Variants in HLA-F observed in about 807,000 individuals in gnomAD.
HLA-F encodes the protein HLA class I histocompatibility antigen, alpha chain F.
In HLA-F, 46 loss-of-function variants were observed where a neutral mutation model predicts 49.5. That is an observed-to-expected ratio of 0.93 (90% confidence interval 0.73 to 1.19). HLA-F has a LOEUF of 1.19. Among genes scored for constraint, HLA-F ranks in the 50% most tolerant of loss-of-function variants. HLA-F has a pLI of 0.00. For missense variants in HLA-F, 496 were observed against 579.6 expected (o/e 0.86, Z 1.48); for synonymous variants, 203 against 233.5 (o/e 0.87, Z 1.19).
In HLA-F at chr6:29,724,341, A is replaced by T; in HGVS notation, c.503A>T (p.Tyr168Phe). ...DTVAQITQRFYEAEEYAEEFR... is the reference protein window; with the variant it reads ...DTVAQITQRFFEAEEYAEEFR... ...GTGGCTCAGATCACCCAGCGCTTCT[A>T]TGAGGCAGAGGAATATGCAGAGGAG... The change falls in exon 3 of 7, where the codon TAT becomes TTT. Residue 168 changes from tyrosine (Y) to phenylalanine (F), a missense_variant. Physicochemically the swap from Tyr to Phe is conservative, Grantham distance 22. Coordinates refer to ENST00000259951, the MANE Select transcript of HLA-F (RefSeq NM_001098479.2). The T allele has an allele frequency of 6.2e-7, 1 of 1,613,176 alleles. No individual in the cohort carries two copies. The highest frequency in any genetic ancestry group is 8.5e-7 in the Non-Finnish European group (1 of 1,180,022).
intron 3 of HLA-F, chr6:29,735,088 A>G (rs1776937648): frequency 6.6e-6 from 1 of 151,928 alleles, no homozygotes; most frequent in Non-Finnish European, 1.5e-5. Flanking sequence ...CTTTTAAACC[A>G]AATAGGAAAA....
Position 29,727,078 on chromosome 6 carries a change from G to T in HLA-F, c.1232G>T (p.Ser411Ile). 1.2e-6 allele frequency: 2 copies of T among 1,613,174 alleles called. No homozygotes were observed. The highest frequency in any genetic ancestry group is 1.7e-6 in the Non-Finnish European group (2 of 1,180,022). Residue 411 changes from serine to isoleucine, a missense_variant, in exon 7 of 7, where the codon AGC becomes ATC. Ser to Ile is a moderately radical substitution (Grantham distance 142). Transcript: ENST00000259951. ...SFNTAFLALQ[S>I]LRFGFGFRRG... ...AACACTGCCTTCTTGGCCTTGCAAAGCCTTCGCTTTGGCTTCGGCTTTAGG... is the reference window on the plus strand; with the variant it reads ...AACACTGCCTTCTTGGCCTTGCAAATCCTTCGCTTTGGCTTCGGCTTTAGG...
chr6:29,726,100 T>C, intron 6 of HLA-F, 57 bp downstream of exon 6: 1 of 1,543,534 alleles, frequency 6.5e-7, no homozygotes, highest in Non-Finnish European at 9.0e-7. Flanking sequence ...CAGGAGCCTA[T>C]GAGGGAGCTC....
At position 29,737,218 on chromosome 6, in the gene HLA-F, CAAAAAAA is replaced by C. The variant is rs3030698; in HGVS notation, c.404-887_404-881del. Among the ~76,000 whole-genome samples, 74 of 65,200 alleles carry C rather than the reference CAAAAAAA, an allele frequency of 1.1e-3. 2 individuals are homozygous for C. In the East Asian group the frequency reaches 0.029, roughly 26 times the overall value. The allele number at this position is 65,200 out of a possible 152,430, so 42.8% of individuals were successfully genotyped here. On this transcript the variant is annotated intron_variant, in intron 3 of 4. Coordinates refer to the HLA-F transcript ENST00000465459. ...GATATAGTACCATCAATCCTCATGG[CAAAAAAA>C]AAAAAAAAAAAAAAAACCCTGAATA...
At chr6:29,732,131 A>ATTTT (rs9256970), downstream of HLA-F, among the ~76,000 whole-genome samples, 7,628 of 151,014 alleles carry the variant, frequency 0.051, 330 homozygotes, top group East Asian at 0.16. Flanking sequence ...TGCCCAGCTA[A>ATTTT]TTTTTTTTTG....
Position 29,724,228 on chromosome 6 carries a change from C to T in HLA-F, c.390C>T (p.Leu130=). The T allele has an allele frequency of 6.2e-7, 1 of 1,613,224 alleles. No homozygotes were observed. ...GCGACATGGGGCCCGACGGACGCCT[C>T]CTCCGCGGGTATCACCAGCACGCGT... The part of the protein sequence containing the change: ...NGCDMGPDGR[L]LRGYHQHAYD... Residue 130 remains leucine (L), a synonymous_variant, in exon 3 of 7, where the codon CTC becomes CTT. Coordinates refer to ENST00000259951, the MANE Select transcript of HLA-F (RefSeq NM_001098479.2).
At chr6:29,730,626 C>T (rs1283429102), downstream of HLA-F, among the ~76,000 whole-genome samples, 1 of 152,108 alleles carries the variant, frequency 6.6e-6, no homozygotes, top group African/African-American at 2.4e-5. Flanking sequence ...CCTGCCACCA[C>T]CCGAGAGCCA....
At chr6:29,726,464 T>C (rs771915440) in intron 6 of HLA-F, 7 of 1,605,872 alleles carry the variant, frequency 4.4e-6, no homozygotes, top group African/African-American at 4.0e-5. Flanking sequence ...GAATTGCACT[T>C]GTGCCTCACG....
chr6:29,737,966 C>T (rs1459395494), intron 3 of HLA-F: 2 of 152,266 alleles, frequency 1.3e-5, no homozygotes, highest in Admixed American at 1.3e-4. Flanking sequence ...AGGTCCTCAC[C>T]TCTCCACAGG....
Position 29,726,061 on chromosome 6 carries a change from G to C in HLA-F, c.1036+18G>C. ...GGCTGCAGGTAAGATGAAGGAGGCT[G>C]ATCCCTGAGATTGTTGGGATATTGT... is the stretch of plus-strand genomic sequence containing the variant. On this transcript the variant is annotated intron_variant, in intron 6 of 6. Coordinates refer to ENST00000259951, the MANE Select transcript of HLA-F (RefSeq NM_001098479.2). The C allele has an allele frequency of 6.2e-7, 1 of 1,611,342 alleles. No homozygotes were observed. Among genetic ancestry groups the C allele is most frequent in the Non-Finnish European group, 8.5e-7 (1 of 1,177,370 alleles).
In HLA-F at chr6:29,724,588, C is replaced by T. The variant is rs1355163795; in HGVS notation, c.610+140C>T. ...GAGTAGGAAGAATCTTCCTGGCTTT[C>T]GAGATCCGGTACCAGAGAGTGACTG... On this transcript the variant is annotated intron_variant, in intron 3 of 6. Coordinates refer to ENST00000259951, the MANE Select transcript of HLA-F (RefSeq NM_001098479.2). The T allele has an allele frequency of 9.6e-5, 83 of 864,526 alleles. No homozygotes were observed. The South Asian group carries it at 1.3e-3, about 14-fold the overall frequency. The allele number at this position is 864,526 out of a possible 1,614,324, so 53.6% of individuals were successfully genotyped here. A position where few individuals can be genotyped will look rare whatever the true frequency, so the allele number is the denominator to read the frequency against.
chr6:29,734,176 C>A (rs1174078275), intron 3 of HLA-F, among the ~76,000 whole-genome samples: 1 of 152,118 alleles, frequency 6.6e-6, no homozygotes, highest in Non-Finnish European at 1.5e-5. Flanking sequence ...TAATCCAGCT[C>A]CTTCCTTCAG....
downstream of HLA-F, among the ~76,000 whole-genome samples, chr6:29,732,080 T>C (rs1320974895): frequency 6.6e-6 from 1 of 152,104 alleles, no homozygotes; most frequent in African/African-American, 2.4e-5. Context: ...TCTTCCCACC[T>C]CAAACACTGG....
Position 29,723,714 on chromosome 6 carries a change from C to T in HLA-F, c.121C>T (p.Pro41Ser). The change falls in exon 2 of 7, where the codon CCC becomes TCC. Residue 41 changes from proline (P) to serine (S), a missense_variant. Pro to Ser is a moderately conservative substitution (Grantham distance 74, BLOSUM62 -1). Transcript: ENST00000259951. ...TGTGTCGCGGCCCGGCCGCGGGGAG[C>T]CCCGCTACATCGCCGTGGAGTACGT... ...TAVSRPGRGEPRYIAVEYVDD... is the reference protein window; with the variant it reads ...TAVSRPGRGESRYIAVEYVDD... 9 of 1,611,760 alleles carry T rather than the reference C, an allele frequency of 5.6e-6. No individual in the cohort carries two copies. The highest frequency in any genetic ancestry group is 7.6e-6 in the Non-Finnish European group (9 of 1,179,740).
rs1428549851 is a variant in HLA-F, at chr6:29,723,836, G to A, written c.243G>A (p.Trp81Ter). Residue 81 changes from tryptophan (W) to a stop codon, truncating the protein, a stop_gained, in exon 2 of 7, where the codon TGG (tryptophan) becomes TGA (stop). Transcript: ENST00000259951. LOFTEE classifies it high-confidence loss of function. ...TGGAGCAAGAGGGGCCGCAGTATTG[G>A]GAGTGGACCACAGGGTACGCCAAGG... ...PWVEQEGPQY[W>*]EWTTGYAKAN... The A allele has an allele frequency of 6.2e-7, 1 of 1,601,740 alleles. No individual in the cohort carries two copies. The highest frequency in any genetic ancestry group is 8.5e-7 in the Non-Finnish European group (1 of 1,174,674).
Position 29,723,858 on chromosome 6 carries a change from A to C in HLA-F, c.265A>C (p.Lys89Gln), listed in dbSNP as rs1359710454. The C allele has an allele frequency of 6.3e-7, 1 of 1,599,252 alleles. No individual in the cohort carries two copies. The highest frequency in any genetic ancestry group is 1.7e-5 in the Admixed American group (1 of 58,286). The change falls in exon 2 of 7, where the codon AAG (lysine) becomes CAG (glutamine). Residue 89 changes from lysine to glutamine, a missense_variant. Coordinates refer to ENST00000259951, the MANE Select transcript of HLA-F (RefSeq NM_001098479.2). ...TTGGGAGTGGACCACAGGGTACGCC[A>C]AGGCCAACGCACAGACTGACCGAGT... ...QYWEWTTGYA[K>Q]ANAQTDRVAL...
chr6:29,727,970 G>A, downstream of HLA-F: 1 of 518,954 alleles, frequency 1.9e-6, no homozygotes, highest in South Asian at 1.4e-5. Flanking sequence ...CAGCTCCTGA[G>A]TGTCTCTACC....
chr6:29,727,618 T>C (rs1776231643), downstream of HLA-F, among the ~76,000 whole-genome samples: 1 of 152,212 alleles, frequency 6.6e-6, no homozygotes, highest in Non-Finnish European at 1.5e-5. Flanking sequence ...CAGCAATGTT[T>C]ACAGGAGGAG....
intron 3 of HLA-F, among the ~76,000 whole-genome samples, chr6:29,733,360 A>ATTTT (rs9280686): frequency 2.0e-5 from 3 of 151,712 alleles, no homozygotes; most frequent in Admixed American, 6.6e-5. Context: ...TGTGTATTTT[A>ATTTT]TTTTTTTTAA....
Sources: gnomAD v4.1 joint callset for allele counts (sites outside exome capture counted in the v4.1 genomes callset) on GRCh38, gnomAD v4.1.1 for gene constraint, MANE v1.5 for transcripts, NCBI Gene and HGNC (gene_info 2026-07-23, HGNC 2026-07-21) for gene names.